The following RFX4 variants were observed in gnomAD, a reference collection of about 807,000 sequenced individuals.
RFX4 encodes the protein regulatory factor X4.
RFX4 carries 10 observed loss-of-function variants against 95.0 expected under a neutral mutation model. That is an observed-to-expected ratio of 0.11 (90% CI 0.06 to 0.18). The LOEUF is 0.18. Among genes scored for constraint, RFX4 ranks in the 10% least tolerant of loss-of-function variants. The pLI is 1.00. For synonymous variants in RFX4, 321 were observed against 340.7 expected, an observed-to-expected ratio of 0.94 and a Z score of 0.64; for missense variants, 640 against 922.0, an observed-to-expected ratio of 0.69 and a Z score of 3.96.
chr12:106,719,224 A>G (rs985586165), intron 11 of RFX4, among the ~76,000 whole-genome samples: 1 of 152,218 alleles, frequency 6.6e-6, no homozygotes, highest in Non-Finnish European at 1.5e-5. Context: ...TCTAATGAGG[A>G]AACTGAGGGG....
intron 5 of RFX4, chr12:106,684,591 C>A: frequency 1.2e-6 from 1 of 845,654 alleles, no homozygotes; most frequent in Non-Finnish European, 1.7e-6. Context: ...ATTAGATGAT[C>A]TGGCTCTTAA....
In RFX4 at chr12:106,586,825, G is replaced by C. The variant is rs978744534; in HGVS notation, c.43+3462G>C. Among the ~76,000 whole-genome samples, 37 of 152,372 alleles carry C rather than the reference G, an allele frequency of 2.4e-4. No individual in the cohort carries two copies. Among genetic ancestry groups the C allele is most frequent in the African/African-American group, 8.9e-4 (37 of 41,596 alleles). On this transcript the variant is annotated intron_variant, in intron 1 of 17. Coordinates refer to ENST00000392842, the MANE Select transcript of RFX4 (RefSeq NM_213594.3). This position sits in a 1 kb window ranked among gnomAD's most constrained non-coding sequence, Gnocchi z 5.6. Reference sequence around the variant, plus strand: ...TGCCCACAAGGCAAAGTGCGTCCTGGAGGGAACAGGGCCCGAGCCTCCTCC... The same window carrying C: ...TGCCCACAAGGCAAAGTGCGTCCTGCAGGGAACAGGGCCCGAGCCTCCTCC...
intron 8 of RFX4, among the ~76,000 whole-genome samples, chr12:106,706,820 A>G (rs1403934309): frequency 1.3e-5 from 2 of 152,244 alleles, no homozygotes; most frequent in Non-Finnish European, 2.9e-5. Context: ...AAACAAACTA[A>G]ACATCTTTGG....
At position 106,761,732 on chromosome 12, in the gene RFX4, C is replaced by T. The variant is rs1023064066; in HGVS notation, c.*263C>T. 2.9e-5 allele frequency: 5 copies of T among 172,124 alleles called. No homozygotes were observed. The highest frequency in any genetic ancestry group is 2.0e-4 in the South Asian group (1 of 5,116). 10.7% of individuals were successfully genotyped at this position (172,124 alleles called of 1,614,324 possible). ...TGACTGTTTCTGTAGAGCACTATCTCGGGCAGGCCATTCTGTGCCTTTTCC... is the reference window on the plus strand; with the variant it reads ...TGACTGTTTCTGTAGAGCACTATCTTGGGCAGGCCATTCTGTGCCTTTTCC... On this transcript the variant is annotated 3_prime_UTR_variant, in exon 18 of 18. Transcript: ENST00000392842.
At position 106,732,245 on chromosome 12, in the gene RFX4, C is replaced by G; in HGVS notation, c.1467C>G (p.Ser489Arg). The change falls in exon 14 of 18, where the codon AGC (serine) becomes AGG (arginine). Residue 489 changes from serine (S) to arginine (R), a missense_variant. Ser to Arg is a moderately radical substitution (Grantham distance 110). This residue lies in a region of RFX4 where 300 missense variants were observed against 346.8 expected (regional missense o/e 0.87). Transcript: ENST00000392842. Reference protein sequence around the residue: ...ELMRAMKGEGSTAEVREEIIL... With the variant: ...ELMRAMKGEGRTAEVREEIIL... The stretch of plus-strand genomic sequence containing the variant: ...TGCGAGCCATGAAGGGAGAAGGAAG[C>G]ACTGGTAAGCCAGCATTTTCCTGGG... 6.2e-7 allele frequency: 1 copy of G among 1,613,830 alleles called. No individual in the cohort carries two copies. Among genetic ancestry groups the G allele is most frequent in the South Asian group, 1.1e-5 (1 of 91,046 alleles).
chr12:106,752,844 G>A (rs938297309), intron 17 of RFX4, among the ~76,000 whole-genome samples: 19 of 152,102 alleles, frequency 1.2e-4, no homozygotes, highest in African/African-American at 3.6e-4. Context: ...GGAAACCACC[G>A]CTGGACACTC....
intron 11 of RFX4, among the ~76,000 whole-genome samples, chr12:106,717,844 A>T (rs1348768891): frequency 6.6e-6 from 1 of 152,178 alleles, no homozygotes; most frequent in African/African-American, 2.4e-5. Context: ...TCCTAACCAG[A>T]CAGCTGGGAA....
At chr12:106,693,173 C>A in intron 7 of RFX4, 2 of 375,564 alleles carry the variant, frequency 5.3e-6, no homozygotes, top group Non-Finnish European at 5.3e-6. Context: ...TAAGGCCATT[C>A]TCCCTCCTTC....
rs768515685 is a variant in RFX4 at position 106,761,498 on chromosome 12, TTAA to T, written c.*40_*42del. The T allele has an allele frequency of 1.6e-5, 22 of 1,343,290 alleles. No homozygotes were observed. Among genetic ancestry groups the T allele is most frequent in the South Asian group, 2.2e-5 (1 of 44,860 alleles). 83.2% of individuals were successfully genotyped at this position (1,343,290 alleles called of 1,614,324 possible). The stretch of plus-strand genomic sequence containing the variant: ...CTATCATAGGCATCCATATTTAATA[TTAA>T]TAATAATAATTAATAATAATAATAA... On this transcript the variant is annotated 3_prime_UTR_variant, in exon 18 of 18. Coordinates refer to ENST00000392842, the MANE Select transcript of RFX4 (RefSeq NM_213594.3).
chr12:106,589,095 G>C (rs180721436), intron 1 of RFX4, among the ~76,000 whole-genome samples: 2 of 152,182 alleles, frequency 1.3e-5, no homozygotes, highest in African/African-American at 4.8e-5. Context: ...GGAGACGGTG[G>C]GAGAAACCCC....
intron 2 of RFX4, among the ~76,000 whole-genome samples, chr12:106,631,381 G>A (rs2040412631): frequency 6.6e-6 from 1 of 152,238 alleles, no homozygotes; most frequent in Admixed American, 6.5e-5. Flanking sequence ...ACCCTGCAGA[G>A]CTTACAAGCT....
At chr12:106,699,708 GT>G (rs1034159967) in intron 8 of RFX4, among the ~76,000 whole-genome samples, 1 of 151,530 alleles carries the variant, frequency 6.6e-6, no homozygotes, top group African/African-American at 2.4e-5. Flanking sequence ...GCTACTCCAG[GT>G]TTTTTTTAAA....
intron 1 of RFX4, among the ~76,000 whole-genome samples, chr12:106,590,572 C>A (rs111419456): frequency 0.019 from 2,833 of 152,266 alleles, 89 homozygotes; most frequent in African/African-American, 0.065. Flanking sequence ...CCTAACTTTC[C>A]TGAGGCAGAA....
Position 106,654,261 on chromosome 12 carries a change from C to A in RFX4, c.225C>A (p.Val75=). 4 of 1,614,028 alleles carry A rather than the reference C, an allele frequency of 2.5e-6. No homozygotes were observed. Among genetic ancestry groups the A allele is most frequent in the Non-Finnish European group, 1.7e-6 (2 of 1,179,930 alleles). Residue 75 remains valine, a synonymous_variant, in exon 4 of 18, where the codon GTC becomes GTA. Coordinates refer to ENST00000392842, the MANE Select transcript of RFX4 (RefSeq NM_213594.3). ...LEENYEIAEG[V]CIPRSALYMH... is the part of the protein sequence containing the mutation. The stretch of plus-strand genomic sequence containing the variant: ...AGAACTATGAGATTGCAGAGGGGGT[C>A]TGCATCCCTCGCAGTGCCCTCTATA...
intron 4 of RFX4, among the ~76,000 whole-genome samples, chr12:106,655,589 G>A (rs1403492930): frequency 6.6e-6 from 1 of 152,136 alleles, no homozygotes; most frequent in Non-Finnish European, 1.5e-5. Flanking sequence ...TTGCGGTCCT[G>A]GAATATTCAG....
intron 7 of RFX4, among the ~76,000 whole-genome samples, chr12:106,693,851 G>A (rs993396351): frequency 2.6e-5 from 4 of 152,212 alleles, no homozygotes; most frequent in African/African-American, 9.7e-5. Flanking sequence ...AGTAGTGGTA[G>A]TGCCTCCATG....
intron 3 of RFX4, among the ~76,000 whole-genome samples, chr12:106,646,431 C>CAAAA (rs56305939): frequency 6.3e-4 from 42 of 66,248 alleles, no homozygotes; most frequent in South Asian, 3.3e-3. Flanking sequence ...TAGTTTTATC[C>CAAAA]AAAAAAAAAA....
intron 13 of RFX4, among the ~76,000 whole-genome samples, chr12:106,726,505 T>G (rs148890148): frequency 1.3e-5 from 2 of 152,296 alleles, no homozygotes; most frequent in African/African-American, 4.8e-5. Flanking sequence ...AACTATGAAT[T>G]TCTCCAATGA....
At chr12:106,652,676 G>T (rs960256953) in intron 3 of RFX4, among the ~76,000 whole-genome samples, 2 of 152,212 alleles carry the variant, frequency 1.3e-5, no homozygotes, top group African/African-American at 2.4e-5. Context: ...GTGCTGACAG[G>T]TCTGTGTCCC....
Sources: gnomAD v4.1 joint callset for allele counts (sites outside exome capture counted in the v4.1 genomes callset) on GRCh38, gnomAD v4.1.1 for gene constraint, gnomAD v4.1.1 regional missense constraint, Gnocchi (gnomAD v3.1) non-coding constraint, MANE v1.5 for transcripts, NCBI Gene and HGNC (gene_info 2026-07-23, HGNC 2026-07-21) for gene names.